The following DCUN1D5 variants were observed in gnomAD, a reference collection of about 807,000 sequenced individuals.
The protein encoded by DCUN1D5 is defective in cullin neddylation 1 domain containing 5, also known as DCN1-like protein 5.
DCUN1D5 carries 10 observed loss-of-function variants against 38.3 expected under a neutral mutation model. The observed-to-expected ratio is 0.26, with a 90% CI of 0.16 to 0.44. The LOEUF (loss-of-function observed/expected upper bound fraction) is 0.44, where lower values mean the gene tolerates loss of function less well. Ranked by LOEUF, DCUN1D5 falls within the 20% of genes least tolerant of loss-of-function variation. DCUN1D5 has a pLI of 1.00. For synonymous variants in DCUN1D5, 93 were observed against 90.9 expected (o/e 1.02, Z -0.13); for missense variants, 148 against 275.3 (o/e 0.54, Z 3.27).
At position 103,051,892 on chromosome 11, in the gene DCUN1D5, T is replaced by C. The variant is rs1419864473; in HGVS notation, c.*10467A>G. 2 of 152,160 alleles carry C rather than the reference T, an allele frequency of 1.3e-5. No individual in the cohort carries two copies. Among genetic ancestry groups the C allele is most frequent in the African/African-American group, 4.8e-5 (2 of 41,410 alleles). 9.4% of individuals were successfully genotyped at this position (152,160 alleles called of 1,614,324 possible). A position where few individuals can be genotyped will look rare whatever the true frequency, so the allele number is the denominator to read the frequency against. On this transcript the variant is annotated 3_prime_UTR_variant, in exon 8 of 8. Coordinates refer to ENST00000260247, the MANE Select transcript of DCUN1D5 (RefSeq NM_032299.4). ...TTTCCTGCTGCCTAATTAATGTTCT[T>C]AAAACACCAAAGTAGCCCCAGCCTT... is the stretch of plus-strand genomic sequence containing the variant.
chr11:103,080,885 G>A (rs1862544776), intron 4 of DCUN1D5, among the ~76,000 whole-genome samples: 1 of 151,954 alleles, frequency 6.6e-6, no homozygotes, highest in Non-Finnish European at 1.5e-5. Context: ...GGAGGCACAC[G>A]CCCGTAGTCC....
rs527517362 is a variant in DCUN1D5 at position 103,061,738 on chromosome 11, A to G, written c.*621T>C. Among the ~76,000 whole-genome samples the G allele has an allele frequency of 3.3e-4, 50 of 152,230 alleles. No homozygotes were observed. In the Middle Eastern group the frequency reaches 0.02, roughly 62 times the overall value. ...TTAGAAAACAAAACAACTGGACATA[A>G]TCTTTCCAATTCTAAGCTCTCTGAG... On this transcript the variant is annotated 3_prime_UTR_variant, in exon 8 of 8. Coordinates refer to ENST00000260247, the MANE Select transcript of DCUN1D5 (RefSeq NM_032299.4).
chr11:103,051,046 G>A lies in DCUN1D5; in HGVS notation c.*11313C>T, dbSNP rs966576320. ...ACAAAGAAAGGTGCTGCAACTTCTG[G>A]ACATAAAGAAGTTCCAATAAATCCA... On this transcript the variant is annotated 3_prime_UTR_variant, in exon 8 of 8. Coordinates refer to ENST00000260247, the MANE Select transcript of DCUN1D5 (RefSeq NM_032299.4). 2 of 152,156 alleles carry A rather than the reference G, an allele frequency of 1.3e-5. No individual in the cohort carries two copies. Among genetic ancestry groups the A allele is most frequent in the Admixed American group, 1.3e-4 (2 of 15,278 alleles). 9.4% of individuals were successfully genotyped at this position (152,156 alleles called of 1,614,324 possible).
At chr11:103,079,409 G>A (rs1328994155) in intron 4 of DCUN1D5, among the ~76,000 whole-genome samples, 1 of 152,128 alleles carries the variant, frequency 6.6e-6, no homozygotes, top group Non-Finnish European at 1.5e-5. Context: ...CATAATATAG[G>A]TGTCTAATAT....
intron 1 of DCUN1D5, among the ~76,000 whole-genome samples, 191 bp from the exon 2 acceptor site, chr11:103,089,509 G>A (rs1203815652): frequency 1.3e-5 from 2 of 151,724 alleles, no homozygotes; most frequent in Admixed American, 6.6e-5. Flanking sequence ...AAGAATTATC[G>A]GCTAACAAAA....
Position 103,092,126 on chromosome 11 carries a change from C to T in DCUN1D5, c.-254G>A. 2.2e-6 allele frequency: 1 copy of T among 448,420 alleles called. No individual in the cohort carries two copies. The highest frequency in any genetic ancestry group is 2.0e-5 in the African/African-American group (1 of 49,224). The allele number at this position is 448,420 out of a possible 1,614,324, so 27.8% of individuals were successfully genotyped here. ...TCGTTCTCACCGGGAGGAGATAACGCGGACAGCGCGGCAGCTCCACCAGTC... is the reference window on the plus strand; with the variant it reads ...TCGTTCTCACCGGGAGGAGATAACGTGGACAGCGCGGCAGCTCCACCAGTC... On this transcript the variant is annotated 5_prime_UTR_variant, in exon 1 of 8. Transcript: ENST00000260247.
chr11:103,067,889 GAA>G (rs1163160574), intron 4 of DCUN1D5, among the ~76,000 whole-genome samples: 3 of 151,998 alleles, frequency 2.0e-5, no homozygotes. Flanking sequence ...CTCAGAAAAT[GAA>G]AAGAGAATTG....
chr11:103,088,649 G>A (rs995859930), intron 2 of DCUN1D5, among the ~76,000 whole-genome samples: 2 of 151,926 alleles, frequency 1.3e-5, no homozygotes, highest in African/African-American at 4.9e-5. Flanking sequence ...TGTATCTTCT[G>A]AATATAGTAT....
At chr11:103,070,691 C>T (rs933758372) in intron 4 of DCUN1D5, among the ~76,000 whole-genome samples, 4 of 152,138 alleles carry the variant, frequency 2.6e-5, no homozygotes, top group Admixed American at 1.3e-4. Context: ...ATTCAACGAA[C>T]ACAGAGAATT....
At position 103,091,855 on chromosome 11, in the gene DCUN1D5, C is replaced by T. The variant is rs1308311873; in HGVS notation, c.18G>A (p.Lys6=). ...CTGCTGCCACCCCAGGGGATTTTCT[C>T]TTCTTCTTCACCGGCATCTTCCGCC... The part of the protein sequence containing the change: MPVKK[K]RKSPGVAAAV... Residue 6 remains lysine (K), a synonymous_variant, in exon 1 of 8, where the codon AAG becomes AAA. Coordinates refer to ENST00000260247, the MANE Select transcript of DCUN1D5 (RefSeq NM_032299.4). This position sits in a 1 kb window ranked among gnomAD's most constrained non-coding sequence, Gnocchi z 4.3. 1.2e-6 allele frequency: 2 copies of T among 1,613,780 alleles called. No individual in the cohort carries two copies. Among genetic ancestry groups the T allele is most frequent in the South Asian group, 2.2e-5 (2 of 91,068 alleles).
intron 2 of DCUN1D5, among the ~76,000 whole-genome samples, chr11:103,084,964 G>A (rs1862663525): frequency 6.6e-6 from 1 of 151,968 alleles, no homozygotes; most frequent in Non-Finnish European, 1.5e-5. Flanking sequence ...TCCAGCCTGG[G>A]AGAGAGCAAG....
rs1235863263 is a variant in DCUN1D5, at chr11:103,089,247, G to T, written c.158C>A (p.Ala53Asp). ...EEHFSSKKCL[A>D]WFYEYAGPDE... is the part of the protein sequence containing the mutation. ...ATTACCTGCATATTCATAAAACCAA[G>T]CCAGGCACTTCTTGCTTGAAAAATG... Residue 53 changes from alanine to aspartate, a missense_variant, in exon 2 of 8, where the codon GCT becomes GAT. By Grantham distance (126) the Ala-to-Asp change is moderately radical. Transcript: ENST00000260247. 6.2e-7 allele frequency: 1 copy of T among 1,613,580 alleles called. No homozygotes were observed. The highest frequency in any genetic ancestry group is 1.1e-5 in the South Asian group (1 of 91,046).
intron 4 of DCUN1D5, chr11:103,080,129 G>A (rs1186879503): frequency 6.6e-6 from 1 of 152,114 alleles, no homozygotes; most frequent in Non-Finnish European, 1.5e-5. Flanking sequence ...TAAACTACCA[G>A]ACTGTTTCTA....
Position 103,064,615 on chromosome 11 carries a change from G to A in DCUN1D5, c.556-238C>T, listed in dbSNP as rs1862089877. ...TAAGAGCACTGAGTACTAACAGTAA[G>A]GATAAAACTAACTTTTTCATATGTA... On this transcript the variant is annotated intron_variant, in intron 6 of 7. Coordinates refer to ENST00000260247, the MANE Select transcript of DCUN1D5 (RefSeq NM_032299.4). This position sits in a 1 kb window ranked among gnomAD's most constrained non-coding sequence, Gnocchi z 4.5. Among the ~76,000 whole-genome samples the A allele has an allele frequency of 6.6e-6, 1 of 151,692 alleles. No homozygotes were observed. Among genetic ancestry groups the A allele is most frequent in the African/African-American group, 2.4e-5 (1 of 41,270 alleles).
intron 4 of DCUN1D5, among the ~76,000 whole-genome samples, chr11:103,072,373 A>AGATCTAGATCTAGAT (rs1862299350): frequency 2.2e-5 from 3 of 136,822 alleles, no homozygotes; most frequent in African/African-American, 6.3e-5. Context: ...TAGAACTAGA[A>AGATCTAGATCTAGAT]CTAGAAATAC....
chr11:103,069,518 G>C (rs531503367), intron 4 of DCUN1D5, among the ~76,000 whole-genome samples: 3 of 152,084 alleles, frequency 2.0e-5, no homozygotes, highest in Non-Finnish European at 4.4e-5. Flanking sequence ...GGTGGAAATC[G>C]AAACCACACA....
intron 3 of DCUN1D5, 73 bp from the exon 4 acceptor site, chr11:103,082,912 G>T: frequency 8.3e-7 from 1 of 1,210,020 alleles, no homozygotes; most frequent in Non-Finnish European, 1.2e-6. Context: ...TTATCATGGA[G>T]AGCATTTTTA....
chr11:103,083,457 T>C lies in DCUN1D5; in HGVS notation c.179-131A>G. On this transcript the variant is annotated intron_variant, in intron 2 of 7. Coordinates refer to ENST00000260247, the MANE Select transcript of DCUN1D5 (RefSeq NM_032299.4). This position sits in a 1 kb window ranked among gnomAD's most constrained non-coding sequence, Gnocchi z 4.4. The stretch of plus-strand genomic sequence containing the variant: ...TTAAATTTGAATTTTGGCATAGCTT[T>C]GATAAGTATAAATATTTGCTACAGG... The C allele has an allele frequency of 1.8e-6, 1 of 564,372 alleles. No homozygotes were observed. The highest frequency in any genetic ancestry group is 2.8e-5 in the South Asian group (1 of 35,160). 35.0% of individuals were successfully genotyped at this position (564,372 alleles called of 1,614,324 possible). A position where few individuals can be genotyped will look rare whatever the true frequency, so the allele number is the denominator to read the frequency against.
At position 103,053,221 on chromosome 11, in the gene DCUN1D5, G is replaced by C. The variant is rs1248502240; in HGVS notation, c.*9138C>G. On this transcript the variant is annotated 3_prime_UTR_variant, in exon 8 of 8. Transcript: ENST00000260247. This position sits in a 1 kb window ranked among gnomAD's most constrained non-coding sequence, Gnocchi z 4.8. The stretch of plus-strand genomic sequence containing the variant: ...AGACAGCCATAGTAGCTATGTTACT[G>C]AGCATTTATTACTTGGTGCCAACTA... 6.6e-6 allele frequency: 1 copy of C among 152,008 alleles called. No individual in the cohort carries two copies. The highest frequency in any genetic ancestry group is 6.6e-5 in the Admixed American group (1 of 15,238). 9.4% of individuals were successfully genotyped at this position (152,008 alleles called of 1,614,324 possible).
Sources: allele counts gnomAD v4.1 joint callset (sites outside exome capture counted in the v4.1 genomes callset), GRCh38; gene constraint gnomAD v4.1.1; non-coding constraint Gnocchi (gnomAD v3.1); transcripts MANE v1.5; gene names NCBI Gene and HGNC (gene_info 2026-07-23, HGNC 2026-07-21).